The following CHD9 variants were observed in gnomAD, a reference collection of about 807,000 sequenced individuals.
CHD9 encodes chromodomain helicase DNA binding protein 9.
CHD9 carries 77 observed loss-of-function variants against 316.1 expected under a neutral mutation model. The ratio of observed to expected loss-of-function variants is 0.24; its 90% CI spans 0.20 to 0.29. The LOEUF (loss-of-function observed/expected upper bound fraction) is 0.29, where lower values mean the gene tolerates loss of function less well. Ranked by LOEUF, CHD9 falls within the 10% of genes least tolerant of loss-of-function variation. CHD9 has a pLI of 1.00. For missense variants in CHD9, 2,763 were observed against 3,438.1 expected (o/e 0.80, Z 4.91); for synonymous variants, 1,129 against 1,158.3 (o/e 0.97, Z 0.51).
chr16:53,229,326 T>A (rs369711470), intron 8 of CHD9, among the ~76,000 whole-genome samples: 1 of 152,198 alleles, frequency 6.6e-6, no homozygotes, highest in East Asian at 1.9e-4. Context: ...ATTTTTAAAC[T>A]AGCATATATT....
chr16:53,304,026 C>T lies in CHD9; in HGVS notation c.6020C>T (p.Ala2007Val), dbSNP rs1208598371. 1 of 1,614,006 alleles carries T rather than the reference C, an allele frequency of 6.2e-7. No individual in the cohort carries two copies. The highest frequency in any genetic ancestry group is 1.1e-5 in the South Asian group (1 of 91,084). ...AGGAACTACAGTCAAAGTAAGATGGCTCATTCAAGGACTTCTACCCCACTT... is the reference window on the plus strand; with the variant it reads ...AGGAACTACAGTCAAAGTAAGATGGTTCATTCAAGGACTTCTACCCCACTT... Reference protein sequence around the residue: ...AQRNYSQSKMAHSRTSTPLLQ... With the variant: ...AQRNYSQSKMVHSRTSTPLLQ... Residue 2007 changes from alanine (A) to valine (V), a missense_variant, in exon 31 of 39, where the codon GCT becomes GTT. Ala to Val is a moderately conservative substitution (Grantham distance 64). This residue lies in a region of CHD9 where 663 missense variants were observed against 751.2 expected (regional missense o/e 0.88). Transcript: ENST00000447540.
chr16:53,212,482 GTTTA>G (rs2046412188), intron 3 of CHD9, among the ~76,000 whole-genome samples: 1 of 152,060 alleles, frequency 6.6e-6, no homozygotes, highest in African/African-American at 2.4e-5. Flanking sequence ...CAGGGTTGGT[GTTTA>G]TTTAACCCAT....
chr16:53,302,003 T>G (rs1386882268), intron 30 of CHD9, among the ~76,000 whole-genome samples: 1 of 151,988 alleles, frequency 6.6e-6, no homozygotes, highest in Non-Finnish European at 1.5e-5. Context: ...GACCTCATGA[T>G]CCACCCGCCT....
chr16:53,230,897 T>G (rs919367283), intron 8 of CHD9, among the ~76,000 whole-genome samples: 1 of 152,112 alleles, frequency 6.6e-6, no homozygotes, highest in African/African-American at 2.4e-5. Context: ...CTTGTGTCAC[T>G]GAGCGTGGGC....
rs1352886583 is a variant in CHD9, at chr16:53,247,513, A to G, written c.3665+10A>G. On this transcript the variant is annotated intron_variant, in intron 16 of 38. Transcript: ENST00000447540. Reference sequence around the variant, plus strand: ...ATCTCATACATAAAAGGTAAAGCATACTGAATTTACTGTGAATTATGCTAA... The same window carrying G: ...ATCTCATACATAAAAGGTAAAGCATGCTGAATTTACTGTGAATTATGCTAA... The G allele has an allele frequency of 6.5e-7, 1 of 1,542,028 alleles. No individual in the cohort carries two copies. Among genetic ancestry groups the G allele is most frequent in the South Asian group, 1.2e-5 (1 of 85,474 alleles).
At position 53,226,448 on chromosome 16, in the gene CHD9, G is replaced by A; in HGVS notation, c.1979G>A (p.Gly660Asp). ...AAGCAATCTGAAGAAGAGGTTAAAG[G>A]TTCTATGAAAATAAAAAAGAATTCA... is the stretch of plus-strand genomic sequence containing the variant. ...EGKQSEEEVK[G>D]SMKIKKNSAP... Residue 660 changes from glycine to aspartate, a missense_variant, in exon 5 of 39, where the codon GGT becomes GAT. Gly to Asp is a moderately conservative substitution (Grantham distance 94). Around this residue, in one of 15 missense-constraint regions of CHD9, gnomAD observed 859 missense variants for 890.4 expected, o/e 0.96. Coordinates refer to ENST00000447540, the MANE Select transcript of CHD9 (RefSeq NM_001308319.2). 6.2e-7 allele frequency: 1 copy of A among 1,606,662 alleles called. No homozygotes were observed.
At chr16:53,106,661 C>T (rs1485689742) in intron 1 of CHD9, among the ~76,000 whole-genome samples, 1 of 149,940 alleles carries the variant, frequency 6.7e-6, no homozygotes, top group African/African-American at 2.4e-5. Flanking sequence ...CATACATACA[C>T]ACACACACAC....
At chr16:53,241,274 A>G (rs1459299651) in intron 12 of CHD9, among the ~76,000 whole-genome samples, 1 of 152,198 alleles carries the variant, frequency 6.6e-6, no homozygotes, top group Non-Finnish European at 1.5e-5. Flanking sequence ...CCTGTCCTAC[A>G]TCACCACTTA....
At chr16:53,109,571 G>C (rs1436724581) in intron 1 of CHD9, among the ~76,000 whole-genome samples, 1 of 151,656 alleles carries the variant, frequency 6.6e-6, no homozygotes. Context: ...CTGACCTCAG[G>C]TGATCCACCT....
intron 1 of CHD9, among the ~76,000 whole-genome samples, chr16:53,060,947 A>T (rs1204397636): frequency 8.8e-6 from 1 of 113,128 alleles, no homozygotes; most frequent in African/African-American, 3.6e-5. Flanking sequence ...TTTTTTTGAG[A>T]CGGAGTTTCA....
intron 17 of CHD9, among the ~76,000 whole-genome samples, chr16:53,253,911 T>C (rs780634440): frequency 8.5e-5 from 13 of 152,256 alleles, no homozygotes; most frequent in Non-Finnish European, 1.8e-4. Flanking sequence ...GCGCAGTGGC[T>C]CATGCCTGTA....
intron 20 of CHD9, 29 bp downstream of exon 20, chr16:53,263,126 C>A: frequency 6.5e-7 from 1 of 1,539,528 alleles, no homozygotes; most frequent in South Asian, 1.2e-5. Context: ...CTAAAATAAA[C>A]TTGCTTTTGG....
At chr16:53,321,948 A>T (rs1465400977) in intron 38 of CHD9, among the ~76,000 whole-genome samples, 1 of 151,802 alleles carries the variant, frequency 6.6e-6, no homozygotes, top group East Asian at 1.9e-4. Context: ...GAATAAATTA[A>T]TAGTTCATTA....
chr16:53,242,987 C>T lies in CHD9; in HGVS notation c.3025C>T (p.Leu1009Phe). The T allele has an allele frequency of 6.2e-7, 1 of 1,611,070 alleles. No individual in the cohort carries two copies. The highest frequency in any genetic ancestry group is 8.5e-7 in the Non-Finnish European group (1 of 1,178,128). ...AHRLKNKNCK[L>F]LEGLKLMNLE... ...TAGGTTAAAAAATAAAAATTGTAAA[C>T]TCTTAGAGGGCCTGAAACTCATGAA... The change falls in exon 13 of 39, where the codon CTC becomes TTC. Residue 1009 changes from leucine (L) to phenylalanine (F), a missense_variant. Physicochemically the swap from Leu to Phe is conservative, Grantham distance 22 (BLOSUM62 0). Coordinates refer to ENST00000447540, the MANE Select transcript of CHD9 (RefSeq NM_001308319.2).
chr16:53,307,408 C>G (rs1178296105), intron 32 of CHD9, among the ~76,000 whole-genome samples: 2 of 152,006 alleles, frequency 1.3e-5, no homozygotes, highest in Non-Finnish European at 2.9e-5. Context: ...TTCAAGCACT[C>G]CTACCACCTT....
chr16:53,157,375 G>A lies in CHD9; in HGVS notation c.1286G>A (p.Ser429Asn). 1 of 1,613,964 alleles carries A rather than the reference G, an allele frequency of 6.2e-7. No homozygotes were observed. ...TCAACATTCGGACAAGATAATTCAAGTCACATTTTAGATCATGACCTTGAT... is the reference window on the plus strand; with the variant it reads ...TCAACATTCGGACAAGATAATTCAAATCACATTTTAGATCATGACCTTGAT... ...DESTFGQDNS[S>N]HILDHDLDRQ... The change falls in exon 2 of 39, where the codon AGT (serine) becomes AAT (asparagine). Residue 429 changes from serine (S) to asparagine (N), a missense_variant. Physicochemically the swap from Ser to Asn is conservative, Grantham distance 46 (BLOSUM62 1). Transcript: ENST00000447540.
chr16:53,325,071 A>T lies in CHD9; in HGVS notation c.*176A>T. On this transcript the variant is annotated 3_prime_UTR_variant, in exon 39 of 39. Transcript: ENST00000447540. ...TTGCATGTAATATTTCTTAAGATTC[A>T]TAAGTTTCTGAACTCGTATGTACTA... The T allele has an allele frequency of 1.8e-6, 1 of 550,270 alleles. No individual in the cohort carries two copies. Among genetic ancestry groups the T allele is most frequent in the Non-Finnish European group, 3.2e-6 (1 of 316,182 alleles). The allele number at this position is 550,270 out of a possible 1,614,324, so 34.1% of individuals were successfully genotyped here. A position where few individuals can be genotyped will look rare whatever the true frequency, so the allele number is the denominator to read the frequency against.
chr16:53,282,606 C>CA (rs2053512966), intron 24 of CHD9, among the ~76,000 whole-genome samples: 2 of 151,956 alleles, frequency 1.3e-5, no homozygotes, highest in Admixed American at 6.6e-5. Flanking sequence ...GACACTGTCT[C>CA]AAAAAAACAG....
chr16:53,208,722 C>T (rs2046085122), intron 2 of CHD9: 2 of 985,614 alleles, frequency 2.0e-6, no homozygotes, highest in African/African-American at 1.7e-5. Flanking sequence ...AAGAACATAA[C>T]AAAACTGTGA....
Sources: allele counts gnomAD v4.1 joint callset (sites outside exome capture counted in the v4.1 genomes callset), GRCh38; gene constraint gnomAD v4.1.1; regional missense constraint gnomAD v4.1.1; transcripts MANE v1.5; gene names NCBI Gene and HGNC (gene_info 2026-07-23, HGNC 2026-07-21).